Variants in XRN2 observed in about 807,000 individuals in gnomAD.
XRN2 encodes 5'-3' exoribonuclease 2.
Under a neutral mutation model 138.5 loss-of-function variants are expected in XRN2, and 44 were observed. That is an observed-to-expected ratio of 0.32 (90% CI 0.25 to 0.41). The LOEUF (loss-of-function observed/expected upper bound fraction) is 0.41, where lower values mean the gene tolerates loss of function less well. XRN2 is among the 10% of genes least tolerant of loss of function. XRN2 has a pLI of 1.00. For missense variants in XRN2, 937 were observed against 1,169.3 expected, an observed-to-expected ratio of 0.80 and a Z score of 2.90; for synonymous variants, 354 against 369.4, an observed-to-expected ratio of 0.96 and a Z score of 0.48.
chr20:21,380,557 T>G (rs1369497886), intron 27 of XRN2, among the ~76,000 whole-genome samples: 1 of 152,238 alleles, frequency 6.6e-6, no homozygotes, highest in East Asian at 1.9e-4. Flanking sequence ...TGTCTTCCTC[T>G]GTTTTCTGTG....
chr20:21,351,172 C>T (rs755672470), intron 20 of XRN2, among the ~76,000 whole-genome samples: 28 of 152,264 alleles, frequency 1.8e-4, no homozygotes, highest in Non-Finnish European at 3.7e-4. Context: ...ATTTCTTTCA[C>T]TGACAGGATA....
intron 3 of XRN2, among the ~76,000 whole-genome samples, chr20:21,327,728 A>G (rs760149336): frequency 1.5e-4 from 23 of 152,184 alleles, no homozygotes; most frequent in Non-Finnish European, 2.8e-4. Flanking sequence ...TTGTTTATAT[A>G]TAAATGTAGA....
intron 1 of XRN2, among the ~76,000 whole-genome samples, chr20:21,315,015 T>C (rs747267817): frequency 4.6e-5 from 7 of 152,188 alleles, no homozygotes; most frequent in Non-Finnish European, 1.0e-4. Context: ...AGAGGAACCC[T>C]GAAAGGCAGC....
At chr20:21,312,602 AT>A (rs375836250) in intron 1 of XRN2, among the ~76,000 whole-genome samples, 12,446 of 132,126 alleles carry the variant, frequency 0.094, 302 homozygotes, top group Non-Finnish European at 0.13. Context: ...AAACCCCAAG[AT>A]TTTTTTTTTT....
At chr20:21,321,574 C>T (rs2122188679) in intron 1 of XRN2, among the ~76,000 whole-genome samples, 1 of 152,120 alleles carries the variant, frequency 6.6e-6, no homozygotes, top group East Asian at 1.9e-4. Context: ...CCCGCTTCAG[C>T]CTCCCAAAAT....
intron 16 of XRN2, 95 bp downstream of exon 16, chr20:21,344,303 A>C: frequency 1.2e-6 from 1 of 856,766 alleles, no homozygotes; most frequent in Non-Finnish European, 1.9e-6. Flanking sequence ...GTGCCTTCAG[A>C]TGCTTGCCTG....
At chr20:21,303,507 C>G (rs748619018) in intron 1 of XRN2, 34 bp downstream of exon 1, 1 of 1,533,702 alleles carries the variant, frequency 6.5e-7, no homozygotes, top group South Asian at 1.2e-5. Context: ...CACACTCGAG[C>G]CCGGGCCCCC....
In XRN2 at chr20:21,348,430, T is replaced by G; in HGVS notation, c.1863T>G (p.Pro621=). Residue 621 remains proline, a splice_region_variant and synonymous_variant, in exon 19 of 30, where the codon CCT becomes CCG. Transcript: ENST00000377191. The part of the protein sequence containing the change: ...PPSWRKLMSD[P]DSSIIDFYPE... ...CATGGCGGAAGCTCATGAGTGATCCTGTGAGTCTCAGTATTTTGAGTGTGT... is the reference window on the plus strand; with the variant it reads ...CATGGCGGAAGCTCATGAGTGATCCGGTGAGTCTCAGTATTTTGAGTGTGT... 6.2e-7 allele frequency: 1 copy of G among 1,613,516 alleles called. No individual in the cohort carries two copies. The highest frequency in any genetic ancestry group is 1.1e-5 in the South Asian group (1 of 90,998).
intron 26 of XRN2, among the ~76,000 whole-genome samples, chr20:21,366,233 A>T (rs1452774369): frequency 2.2e-5 from 3 of 134,248 alleles, no homozygotes; most frequent in Admixed American, 8.5e-5. Flanking sequence ...TATATATATT[A>T]TATATATAAA....
chr20:21,389,130 C>T (rs2038963658), intron 29 of XRN2, 143 bp from the exon 30 acceptor site: 3 of 661,486 alleles, frequency 4.5e-6, no homozygotes, highest in Non-Finnish European at 7.3e-6. Context: ...GATCAAAGCA[C>T]CTTTTATGGG....
At chr20:21,318,138 T>A (rs1324453845) in intron 1 of XRN2, among the ~76,000 whole-genome samples, 4 of 152,224 alleles carry the variant, frequency 2.6e-5, no homozygotes, top group Non-Finnish European at 5.9e-5. Context: ...CTTTCTTGAA[T>A]CATTTTTGGT....
chr20:21,331,714 T>A (rs1217720398), intron 7 of XRN2, 54 bp from the exon 8 acceptor site: 2 of 1,591,852 alleles, frequency 1.3e-6, no homozygotes, highest in Non-Finnish European at 1.7e-6. Flanking sequence ...TATGAAGTGA[T>A]ATTCTTGTGG....
At chr20:21,309,185 A>T (rs1404089661) in intron 1 of XRN2, among the ~76,000 whole-genome samples, 1 of 152,198 alleles carries the variant, frequency 6.6e-6, no homozygotes, top group Non-Finnish European at 1.5e-5. Flanking sequence ...GTTGACCTCA[A>T]ATTGAGTTCC....
chr20:21,303,581 G>C, intron 1 of XRN2, 108 bp downstream of exon 1: 1 of 1,393,050 alleles, frequency 7.2e-7, no homozygotes, highest in Non-Finnish European at 9.3e-7. Flanking sequence ...GCCGGAGCTC[G>C]CGCCCTGCTG....
chr20:21,337,454 T>G (rs1469117930), intron 13 of XRN2, among the ~76,000 whole-genome samples: 1 of 152,196 alleles, frequency 6.6e-6, no homozygotes, highest in African/African-American at 2.4e-5. Flanking sequence ...GGGTTGGGGA[T>G]TCTATTTCAG....
chr20:21,328,676 G>C lies in XRN2; in HGVS notation c.427+6G>C, dbSNP rs2038161623. On this transcript the variant is annotated splice_donor_region_variant and intron_variant, in intron 4 of 29. Coordinates refer to ENST00000377191, the MANE Select transcript of XRN2 (RefSeq NM_012255.5). Reference sequence around the variant, plus strand: ...GGAAGAAATATTGGCAAAAGGTAAAGAATATGCATCTTGAAGTTGGATTTT... The same window carrying C: ...GGAAGAAATATTGGCAAAAGGTAAACAATATGCATCTTGAAGTTGGATTTT... The C allele has an allele frequency of 1.2e-6, 2 of 1,611,904 alleles. No homozygotes were observed. The highest frequency in any genetic ancestry group is 1.7e-6 in the Non-Finnish European group (2 of 1,178,950).
At chr20:21,349,595 T>C (rs2038481201) in intron 20 of XRN2, 134 bp downstream of exon 20, 3 of 744,720 alleles carry the variant, frequency 4.0e-6, no homozygotes, top group Non-Finnish European at 6.5e-6. Context: ...ATACAAAAAT[T>C]AGCCTGGCGT....
At chr20:21,380,648 A>T (rs2038873235) in intron 27 of XRN2, among the ~76,000 whole-genome samples, 1 of 152,222 alleles carries the variant, frequency 6.6e-6, no homozygotes, top group African/African-American at 2.4e-5. Context: ...TAAAAAAGGA[A>T]CTTAATTCCA....
At chr20:21,331,981 G>C (rs572605603) in intron 8 of XRN2, among the ~76,000 whole-genome samples, 163 bp downstream of exon 8, 84 of 152,282 alleles carry the variant, frequency 5.5e-4, no homozygotes, top group Middle Eastern at 3.4e-3. Context: ...TTAATCTGTG[G>C]TCAATGATCT....
Sources: allele counts gnomAD v4.1 joint callset (sites outside exome capture counted in the v4.1 genomes callset), GRCh38; gene constraint gnomAD v4.1.1; transcripts MANE v1.5; gene names NCBI Gene and HGNC (gene_info 2026-07-23, HGNC 2026-07-21).